PGLYRP3: variants seen among roughly 807,000 people sequenced by gnomAD.
PGLYRP3 encodes the protein peptidoglycan recognition protein I alpha.
PGLYRP3 carries 39 observed loss-of-function variants against 36.0 expected under a neutral mutation model. The observed-to-expected ratio is 1.08, with a 90% CI of 0.84 to 1.41. The LOEUF (loss-of-function observed/expected upper bound fraction) is 1.41, where lower values mean the gene tolerates loss of function less well. Ranked by LOEUF, PGLYRP3 falls within the 40% of genes most tolerant of loss-of-function variation. The probability of loss-of-function intolerance (pLI) is 0.00; values close to 1 mark genes in which losing one functional copy is unlikely to be tolerated. For synonymous variants in PGLYRP3, 204 were observed against 172.8 expected, an observed-to-expected ratio of 1.18 and a Z score of -1.42; for missense variants, 407 against 427.9, an observed-to-expected ratio of 0.95 and a Z score of 0.43.
At position 153,303,843 on chromosome 1, in the gene PGLYRP3, A is replaced by C; in HGVS notation, c.529+14T>G. ...GTGACGAGGAGGAGGGTGAGGTGAC[A>C]TGGAGGGTCTTACCCTTCCTGGGCA... On this transcript the variant is annotated intron_variant, in intron 5 of 7. Coordinates refer to ENST00000683862, the MANE Select transcript of PGLYRP3 (RefSeq NM_052891.3). 1 of 1,602,084 alleles carries C rather than the reference A, an allele frequency of 6.2e-7. No homozygotes were observed. The highest frequency in any genetic ancestry group is 8.5e-7 in the Non-Finnish European group (1 of 1,171,376).
At chr1:153,300,340 A>C (rs1659558178) in intron 6 of PGLYRP3, among the ~76,000 whole-genome samples, 1 of 152,114 alleles carries the variant, frequency 6.6e-6, no homozygotes. Flanking sequence ...CACCCCCCAC[A>C]AAGCCTTGAT....
Position 153,297,724 on chromosome 1 carries a change from T to A in PGLYRP3, c.*232A>T. 2.4e-6 allele frequency: 1 copy of A among 425,022 alleles called. No homozygotes were observed. Among genetic ancestry groups the A allele is most frequent in the Non-Finnish European group, 4.1e-6 (1 of 240,988 alleles). The allele number at this position is 425,022 out of a possible 1,614,324, so 26.3% of individuals were successfully genotyped here. ...AGGAGGTAAGTGCCCAGGGGAGAGG[T>A]AGGTAAAAGAGAGGGGAAGTCTAAA... On this transcript the variant is annotated 3_prime_UTR_variant, in exon 8 of 8. Transcript: ENST00000683862.
At position 153,310,650 on chromosome 1, in the gene PGLYRP3, A is replaced by T; in HGVS notation, c.16T>A (p.Trp6Arg). 1 of 1,614,162 alleles carries T rather than the reference A, an allele frequency of 6.2e-7. No individual in the cohort carries two copies. The highest frequency in any genetic ancestry group is 1.1e-5 in the South Asian group (1 of 91,086). ...CCCAGAATGAAGAAGGCAAGAAGCC[A>T]TGGCAGCGTCCCCATGTGGTCCCAG... is the stretch of plus-strand genomic sequence containing the variant. MGTLPWLLAFFILGLQ... is the reference protein window; with the variant it reads MGTLPRLLAFFILGLQ... Residue 6 changes from tryptophan to arginine, a missense_variant, in exon 2 of 8, where the codon TGG (tryptophan) becomes AGG (arginine). Transcript: ENST00000683862.
chr1:153,304,470 G>T (rs1010403885), intron 4 of PGLYRP3, among the ~76,000 whole-genome samples: 6 of 152,194 alleles, frequency 3.9e-5, no homozygotes, highest in African/African-American at 1.4e-4. Context: ...GATGCTGGCA[G>T]GTGCTGGTTC....
Position 153,297,761 on chromosome 1 carries a change from AG to A in PGLYRP3, c.*194del. ...AGGGGAAGTCTAAACTCAGACCAAG[AG>A]GGCTGTGAATGCCCAGCTGTGAGGT... On this transcript the variant is annotated 3_prime_UTR_variant, in exon 8 of 8. Coordinates refer to ENST00000683862, the MANE Select transcript of PGLYRP3 (RefSeq NM_052891.3). The A allele has an allele frequency of 1.7e-6, 1 of 582,662 alleles. No individual in the cohort carries two copies. Among genetic ancestry groups the A allele is most frequent in the Middle Eastern group, 4.6e-4 (1 of 2,156 alleles). The allele number at this position is 582,662 out of a possible 1,614,324, so 36.1% of individuals were successfully genotyped here.
At chr1:153,306,063 G>A (rs1659731516) in intron 3 of PGLYRP3, among the ~76,000 whole-genome samples, 1 of 152,220 alleles carries the variant, frequency 6.6e-6, no homozygotes, top group South Asian at 2.1e-4. Flanking sequence ...TGGTGGAGGT[G>A]CTGGTGGCAG....
In PGLYRP3 at chr1:153,298,025, C is replaced by A. The variant is rs746509898; in HGVS notation, c.957G>T (p.Val319=). Residue 319 remains valine, a synonymous_variant, in exon 8 of 8, where the codon GTG becomes GTT. Transcript: ENST00000683862. ...CCTGCCCAGGGGACAGGATGTTGAC[C>A]ACGTCACTGTGGCCCATCAGCAGGT... ...PNYLLMGHSD[V]VNILSPGQAL... 14 of 1,613,998 alleles carry A rather than the reference C, an allele frequency of 8.7e-6. No individual in the cohort carries two copies. The East Asian group carries it at 2.5e-4, about 28-fold the overall frequency.
chr1:153,302,727 A>T, intron 5 of PGLYRP3, 120 bp from the exon 6 acceptor site: 2 of 871,824 alleles, frequency 2.3e-6, no homozygotes, highest in Non-Finnish European at 3.6e-6. Context: ...CCACGGGCAC[A>T]TCCTAATGTA....
At chr1:153,301,855 C>A (rs1659605240) in intron 6 of PGLYRP3, among the ~76,000 whole-genome samples, 1 of 152,186 alleles carries the variant, frequency 6.6e-6, no homozygotes, top group Non-Finnish European at 1.5e-5. Context: ...ACAGACCTGG[C>A]ATTAAAGGTA....
Position 153,302,411 on chromosome 1 carries a change from A to T in PGLYRP3, c.726T>A (p.Tyr242Ter). ...CTTTTGGCATTGATCCCACTTACTGATATCCAATGTCACAAAAGTTCCGTG... is the reference window on the plus strand; with the variant it reads ...CTTTTGGCATTGATCCCACTTACTGTTATCCAATGTCACAAAAGTTCCGTG... ...MDTRNFCDIG[Y>*]HFLVGQDGGV... Residue 242 changes from tyrosine to a stop codon, truncating the protein, a stop_gained and splice_region_variant, in exon 6 of 8, where the codon TAT (tyrosine) becomes TAA (stop). Coordinates refer to ENST00000683862, the MANE Select transcript of PGLYRP3 (RefSeq NM_052891.3). LOFTEE classifies it high-confidence loss of function. 6.2e-7 allele frequency: 1 copy of T among 1,614,078 alleles called. No homozygotes were observed. Among genetic ancestry groups the T allele is most frequent in the East Asian group, 2.2e-5 (1 of 44,882 alleles).
In PGLYRP3 at chr1:153,307,277, A is replaced by G; in HGVS notation, c.56-10T>C. ...ACGATGGTGGGAGTATCTGTAGGGAAGACCACAGAATGGCACATAGCAGGC... is the reference window on the plus strand; with the variant it reads ...ACGATGGTGGGAGTATCTGTAGGGAGGACCACAGAATGGCACATAGCAGGC... On this transcript the variant is annotated splice_polypyrimidine_tract_variant and intron_variant, in intron 2 of 7. Transcript: ENST00000683862. 1 of 1,585,000 alleles carries G rather than the reference A, an allele frequency of 6.3e-7. No individual in the cohort carries two copies. The highest frequency in any genetic ancestry group is 8.6e-7 in the Non-Finnish European group (1 of 1,165,788).
intron 6 of PGLYRP3, 21 bp from the exon 7 acceptor site, chr1:153,299,252 T>C (rs375579483): frequency 4.7e-5 from 73 of 1,565,750 alleles, no homozygotes; most frequent in Non-Finnish European, 6.0e-5. Flanking sequence ...GAAAAGAAAA[T>C]GAAGACAGTC....
chr1:153,304,981 A>G lies in PGLYRP3; in HGVS notation c.342T>C (p.Ile114=), dbSNP rs141659322. 76 of 1,613,772 alleles carry G rather than the reference A, an allele frequency of 4.7e-5. No homozygotes were observed. Among genetic ancestry groups the G allele is most frequent in the Non-Finnish European group, 5.7e-5 (67 of 1,179,898 alleles). ...TGCCAAAGAAGGCGATGCCCAGGGAAATGTTGTTGTAGCCCTGGGTGTGCA... is the reference window on the plus strand; with the variant it reads ...TGCCAAAGAAGGCGATGCCCAGGGAGATGTTGTTGTAGCCCTGGGTGTGCA... The part of the protein sequence containing the change: ...QGLHTQGYNN[I]SLGIAFFGNK... Residue 114 remains isoleucine (I), a synonymous_variant, in exon 4 of 8, where the codon ATT becomes ATC. Transcript: ENST00000683862.
chr1:153,310,119 C>G (rs183506330), intron 2 of PGLYRP3, among the ~76,000 whole-genome samples: 76 of 152,304 alleles, frequency 5.0e-4, no homozygotes, highest in Admixed American at 4.3e-3. Context: ...TGTGTCTACT[C>G]TTATGTATAT....
Position 153,302,521 on chromosome 1 carries a change from T to G in PGLYRP3, c.616A>C (p.Ile206Leu), listed in dbSNP as rs1659622675. Reference protein sequence around the residue: ...KMNLPAKYVIIIHTAGTSCTV... With the variant: ...KMNLPAKYVILIHTAGTSCTV... ...CAGCTTGTGCCAGCGGTGTGGATGATGATGACATATTTGGCTGGGAGGTTC... is the reference window on the plus strand; with the variant it reads ...CAGCTTGTGCCAGCGGTGTGGATGAGGATGACATATTTGGCTGGGAGGTTC... The change falls in exon 6 of 8, where the codon ATC (isoleucine) becomes CTC (leucine). Residue 206 changes from isoleucine (I) to leucine (L), a missense_variant. Coordinates refer to ENST00000683862, the MANE Select transcript of PGLYRP3 (RefSeq NM_052891.3). 6.2e-7 allele frequency: 1 copy of G among 1,614,096 alleles called. No individual in the cohort carries two copies. The highest frequency in any genetic ancestry group is 1.3e-5 in the African/African-American group (1 of 74,932).
rs895840929 is a variant in PGLYRP3 at position 153,303,848 on chromosome 1, G to A, written c.529+9C>T. On this transcript the variant is annotated intron_variant, in intron 5 of 7. Coordinates refer to ENST00000683862, the MANE Select transcript of PGLYRP3 (RefSeq NM_052891.3). ...GAGGAGGAGGGTGAGGTGACATGGA[G>A]GGTCTTACCCTTCCTGGGCATCACT... 19 of 1,602,980 alleles carry A rather than the reference G, an allele frequency of 1.2e-5. No homozygotes were observed. Among genetic ancestry groups the A allele is most frequent in the Non-Finnish European group, 1.5e-5 (18 of 1,172,058 alleles).
chr1:153,306,686 A>G (rs1272117706), intron 3 of PGLYRP3, among the ~76,000 whole-genome samples: 1 of 152,174 alleles, frequency 6.6e-6, no homozygotes, highest in Non-Finnish European at 1.5e-5. Flanking sequence ...CCGCCTGTGA[A>G]ATAAGGGTAG....
rs535766745 is a variant in PGLYRP3 at position 153,297,499 on chromosome 1, AAAGGAAGGAAGG to A, written c.*445_*456del. ...GAGTGAGAAAGCAAGAAAGAAGGTG[AAAGGAAGGAAGG>A]AAGGAAGGAAGGAAGGAAGGAAGGA... On this transcript the variant is annotated 3_prime_UTR_variant, in exon 8 of 8. Coordinates refer to ENST00000683862, the MANE Select transcript of PGLYRP3 (RefSeq NM_052891.3). Among the ~76,000 whole-genome samples the A allele has an allele frequency of 4.1e-3, 216 of 52,744 alleles. 4 individuals carry two copies. The highest frequency in any genetic ancestry group is 0.017 in the African/African-American group (201 of 11,492). 34.6% of individuals were successfully genotyped at this position (52,744 alleles called of 152,430 possible).
chr1:153,306,605 T>G (rs1424186348), intron 3 of PGLYRP3, among the ~76,000 whole-genome samples: 1 of 152,188 alleles, frequency 6.6e-6, no homozygotes, highest in Non-Finnish European at 1.5e-5. Flanking sequence ...TGGCAGGTGC[T>G]CTCACACAGC....
Sources: gnomAD v4.1 joint callset for allele counts (sites outside exome capture counted in the v4.1 genomes callset) on GRCh38, gnomAD v4.1.1 for gene constraint, MANE v1.5 for transcripts, NCBI Gene and HGNC (gene_info 2026-07-23, HGNC 2026-07-21) for gene names.